The following TRPC5 variants were observed in gnomAD, a reference collection of about 807,000 sequenced individuals.
The protein encoded by TRPC5 is transient receptor potential cation channel subfamily C member 5.
In TRPC5, 9 loss-of-function variants were observed where a neutral mutation model predicts 56.5. That is an observed-to-expected ratio of 0.16 (90% CI 0.10 to 0.28). The LOEUF (loss-of-function observed/expected upper bound fraction) is 0.28, where lower values mean the gene tolerates loss of function less well. Among genes scored for constraint, TRPC5 ranks in the 10% least tolerant of loss-of-function variants. TRPC5 has a pLI of 1.00. For missense variants in TRPC5, 469 were observed against 748.9 expected (o/e 0.63, Z 4.36); for synonymous variants, 282 against 278.5 (o/e 1.01, Z -0.13).
chrX:111,806,821 G>A (rs1226056699), intron 7 of TRPC5, among the ~76,000 whole-genome samples: 1 of 110,162 alleles, frequency 9.1e-6, no homozygotes, highest in Non-Finnish European at 1.9e-5. Context: ...ATGTTTAAAG[G>A]ATATTTTTTC....
At chrX:112,079,261 C>G (rs1223526799) in intron 1 of TRPC5, among the ~76,000 whole-genome samples, 2 of 111,872 alleles carry the variant, frequency 1.8e-5, no homozygotes, top group African/African-American at 6.5e-5. Flanking sequence ...GGAGCCATGG[C>G]AAAAAATAAA....
In TRPC5 at chrX:111,768,730, G is replaced by A. The variant is rs1163078607; in HGVS notation, c.*7583C>T. On this transcript the variant is annotated 3_prime_UTR_variant, in exon 11 of 11. Transcript: ENST00000262839. ...GAATTTCCTTTTACATTAAACCACA[G>A]ACTAATGTGTTAACCCTTTGGGTTT... is the stretch of plus-strand genomic sequence containing the variant. Among the ~76,000 whole-genome samples, 2 of 111,575 alleles carry A rather than the reference G, an allele frequency of 1.8e-5. No homozygotes were observed. Among genetic ancestry groups the A allele is most frequent in the Admixed American group, 1.9e-4 (2 of 10,480 alleles).
chrX:111,841,911 A>G (rs1350128151), intron 6 of TRPC5, among the ~76,000 whole-genome samples: 1 of 107,317 alleles, frequency 9.3e-6, no homozygotes, highest in African/African-American at 3.5e-5. Context: ...GGATTTCGCC[A>G]TGTTGGCCAG....
At chrX:111,854,212 G>A (rs1223823677) in intron 3 of TRPC5, 106 bp from the exon 4 acceptor site, 2 of 851,724 alleles carry the variant, frequency 2.3e-6, no homozygotes, top group Non-Finnish European at 3.3e-6. Flanking sequence ...GAGTTACATG[G>A]CCAATCCCCA....
chrX:111,937,612 C>T (rs1487530631), intron 2 of TRPC5, among the ~76,000 whole-genome samples: 3 of 107,665 alleles, frequency 2.8e-5, no homozygotes, highest in Non-Finnish European at 5.8e-5. Flanking sequence ...ATCCTTTCCC[C>T]CATTGCTTGT....
chrX:111,858,262 AAAG>A (rs1923297261), intron 3 of TRPC5, among the ~76,000 whole-genome samples: 1 of 111,607 alleles, frequency 9.0e-6, no homozygotes, highest in Non-Finnish European at 1.9e-5. Context: ...AACGCCTCAG[AAAG>A]AAGAATTACA....
intron 3 of TRPC5, among the ~76,000 whole-genome samples, chrX:111,863,804 T>C (rs1185140798): frequency 8.9e-6 from 1 of 111,737 alleles, no homozygotes; most frequent in Non-Finnish European, 1.9e-5. Flanking sequence ...CAGTTTTCCA[T>C]GTGTTTTTAT....
chrX:111,837,863 C>T (rs1363527271), intron 6 of TRPC5, among the ~76,000 whole-genome samples: 3 of 100,879 alleles, frequency 3.0e-5, no homozygotes, highest in South Asian at 4.7e-4. Flanking sequence ...CTTGAACCCA[C>T]GAGTTTGAGA....
At position 111,828,500 on chromosome X, in the gene TRPC5, A is replaced by G. The variant is rs1427665156; in HGVS notation, c.1896+6421T>C. Among the ~76,000 whole-genome samples the G allele has an allele frequency of 2.7e-5, 3 of 111,498 alleles. No individual in the cohort carries two copies. In the East Asian group the frequency reaches 8.4e-4, roughly 31 times the overall value. ...CCATGCAGAACTGTGAGTCAATTAA[A>G]CCTCTTTTCCTTATAAATTACCCAG... On this transcript the variant is annotated intron_variant, in intron 7 of 10. Transcript: ENST00000262839.
chrX:111,934,864 C>A (rs987384798), intron 2 of TRPC5, among the ~76,000 whole-genome samples: 1 of 112,396 alleles, frequency 8.9e-6, no homozygotes, highest in Non-Finnish European at 1.9e-5. Context: ...TTTATCCATT[C>A]ATCTGTTGAT....
chrX:111,967,643 G>A (rs899119640), intron 1 of TRPC5, among the ~76,000 whole-genome samples: 3 of 111,490 alleles, frequency 2.7e-5, no homozygotes, highest in African/African-American at 6.5e-5. Flanking sequence ...CAATGGAACA[G>A]AACAGAGCCC....
chrX:111,844,316 G>A (rs1317491734), intron 6 of TRPC5, among the ~76,000 whole-genome samples: 1 of 110,959 alleles, frequency 9.0e-6, no homozygotes, highest in Admixed American at 9.6e-5. Flanking sequence ...TTGACAGCAG[G>A]TGAAGGCCAC....
intron 1 of TRPC5, among the ~76,000 whole-genome samples, chrX:111,968,620 A>G (rs1358721581): frequency 1.8e-5 from 2 of 109,747 alleles, no homozygotes; most frequent in African/African-American, 6.6e-5. Context: ...TGTGGCACAT[A>G]TACCCCATGG....
chrX:111,915,480 C>G (rs1925948396), intron 2 of TRPC5, among the ~76,000 whole-genome samples: 2 of 111,398 alleles, frequency 1.8e-5, no homozygotes, highest in Admixed American at 1.9e-4. Context: ...GGAATGGTCT[C>G]TCGCCCCATT....
chrX:111,940,907 G>A (rs1175912321), intron 2 of TRPC5, among the ~76,000 whole-genome samples: 1 of 111,158 alleles, frequency 9.0e-6, no homozygotes, highest in Non-Finnish European at 1.9e-5. Context: ...ACTATGGACT[G>A]GTCCTGGTGG....
Position 111,899,104 on chromosome X carries a change from C to T in TRPC5, c.900+13187G>A, listed in dbSNP as rs185658844. 1.6e-4 allele frequency among the ~76,000 whole-genome samples: 18 copies of T among 110,021 alleles called. No individual in the cohort carries two copies. The Admixed American group carries it at 1.6e-3, about 10-fold the overall frequency. ...TCTTCAAGTTTCTCCTTGCCCTCTC[C>T]TCACCCACTAGTTGCTAAATTCTGA... On this transcript the variant is annotated intron_variant, in intron 3 of 10. Coordinates refer to ENST00000262839, the MANE Select transcript of TRPC5 (RefSeq NM_012471.3).
chrX:111,922,235 G>T (rs958560054), intron 2 of TRPC5, among the ~76,000 whole-genome samples: 16 of 111,657 alleles, frequency 1.4e-4, no homozygotes, highest in Non-Finnish European at 3.0e-4. Flanking sequence ...TCCCCCATTT[G>T]TAATTAATGG....
At chrX:112,021,428 C>G (rs145701013) in intron 1 of TRPC5, among the ~76,000 whole-genome samples, 1 of 112,019 alleles carries the variant, frequency 8.9e-6, no homozygotes, top group African/African-American at 3.2e-5. Context: ...CTTTTCCCTA[C>G]TAACCAGTGG....
At position 111,900,903 on chromosome X, in the gene TRPC5, A is replaced by G. The variant is rs182346204; in HGVS notation, c.900+11388T>C. On this transcript the variant is annotated intron_variant, in intron 3 of 10. Coordinates refer to ENST00000262839, the MANE Select transcript of TRPC5 (RefSeq NM_012471.3). ...AGCCAATATCTAGATTTTCAAACAA[A>G]TAATATTGCCTTACACAAATATATA... Among the ~76,000 whole-genome samples, 4 of 111,866 alleles carry G rather than the reference A, an allele frequency of 3.6e-5. No homozygotes were observed. In the East Asian group the frequency reaches 1.1e-3, roughly 31 times the overall value.
Sources: allele counts gnomAD v4.1 joint callset (sites outside exome capture counted in the v4.1 genomes callset), GRCh38; gene constraint gnomAD v4.1.1; transcripts MANE v1.5; gene names NCBI Gene and HGNC (gene_info 2026-07-23, HGNC 2026-07-21).